DENND10: variants seen among roughly 807,000 people sequenced by gnomAD.
DENND10 encodes the protein DENN domain-containing protein 10.
In DENND10, 24 loss-of-function variants were observed where a neutral mutation model predicts 43.6. The observed-to-expected ratio is 0.55, with a 90% confidence interval of 0.40 to 0.77. The LOEUF (loss-of-function observed/expected upper bound fraction) is 0.77. Among genes scored for constraint, DENND10 ranks in the 30% least tolerant of loss-of-function variants. DENND10 has a pLI of 0.00. For synonymous variants in DENND10, 125 were observed against 157.6 expected (o/e 0.79, Z 1.55); for missense variants, 303 against 429.9 (o/e 0.70, Z 2.61).
chr10:119,135,817 C>T lies in DENND10; in HGVS notation c.898-654C>T, dbSNP rs372347001. On this transcript the variant is annotated intron_variant, in intron 8 of 8. Coordinates refer to ENST00000361432, the MANE Select transcript of DENND10 (RefSeq NM_207009.4). Reference sequence around the variant, plus strand: ...AAAAAAAAAAAAAAAAAAAAAAAAACCAAAACCACACACTATGATTTTTCT... The same window carrying T: ...AAAAAAAAAAAAAAAAAAAAAAAAATCAAAACCACACACTATGATTTTTCT... Among the ~76,000 whole-genome samples, 45 of 40,152 alleles carry T rather than the reference C, an allele frequency of 1.1e-3. 1 individual carries two copies. The highest frequency in any genetic ancestry group is 0.015 in the Middle Eastern group (1 of 66). 26.3% of individuals were successfully genotyped at this position (40,152 alleles called of 152,430 possible). A position where few individuals can be genotyped will look rare whatever the true frequency, so the allele number is the denominator to read the frequency against.
chr10:119,135,811 A>C (rs1203387055), intron 8 of DENND10, among the ~76,000 whole-genome samples: 5 of 150,434 alleles, frequency 3.3e-5, no homozygotes, highest in African/African-American at 1.2e-4. Context: ...AAAAAAAAAA[A>C]AAAAACCAAA....
chr10:119,108,232 C>A, intron 2 of DENND10, 68 bp downstream of exon 2: 1 of 1,139,232 alleles, frequency 8.8e-7, no homozygotes, highest in South Asian at 1.3e-5. Flanking sequence ...TGCCTGTAAT[C>A]CCAGCACTTT....
intron 8 of DENND10, chr10:119,133,104 G>A (rs1014473171): frequency 6.2e-6 from 1 of 161,348 alleles, no homozygotes; most frequent in South Asian, 1.5e-4. Flanking sequence ...GTGTCTACCT[G>A]GCATGCTGAC....
chr10:119,123,360 C>T, intron 5 of DENND10, 109 bp from the exon 6 acceptor site: 1 of 757,496 alleles, frequency 1.3e-6, no homozygotes, highest in Non-Finnish European at 2.3e-6. Context: ...CCCTGATTAG[C>T]TGTAGACTCT....
intron 6 of DENND10, among the ~76,000 whole-genome samples, chr10:119,124,379 A>AT (rs1439426965): frequency 6.1e-5 from 9 of 148,336 alleles, no homozygotes; most frequent in African/African-American, 2.2e-4. Flanking sequence ...ACCAAAAAAA[A>AT]AAAAAAAAAA....
Position 119,132,378 on chromosome 10 carries a change from A to G in DENND10, c.803-137A>G. On this transcript the variant is annotated intron_variant, in intron 7 of 8. Coordinates refer to ENST00000361432, the MANE Select transcript of DENND10 (RefSeq NM_207009.4). This position sits in a 1 kb window ranked among gnomAD's most constrained non-coding sequence, Gnocchi z 4.2. ...CCAGCATGTTGTCATATTTGTGTCT[A>G]GTGATAAAATGGACATGTGGGAGGT... 1.4e-6 allele frequency: 1 copy of G among 710,886 alleles called. No individual in the cohort carries two copies. The highest frequency in any genetic ancestry group is 2.6e-6 in the Non-Finnish European group (1 of 389,436). 44.0% of individuals were successfully genotyped at this position (710,886 alleles called of 1,614,324 possible).
At chr10:119,109,462 A>C (rs1844874014) in intron 2 of DENND10, among the ~76,000 whole-genome samples, 1 of 152,176 alleles carries the variant, frequency 6.6e-6, no homozygotes. Flanking sequence ...TTTAGGGCTA[A>C]TTTATAGCCA....
intron 3 of DENND10, among the ~76,000 whole-genome samples, chr10:119,113,829 A>C (rs956321991): frequency 6.6e-6 from 1 of 152,232 alleles, no homozygotes; most frequent in Non-Finnish European, 1.5e-5. Flanking sequence ...TACTCTCATA[A>C]GAACCAGGTG....
At chr10:119,129,474 T>G (rs753096468) in intron 6 of DENND10, 41 bp from the exon 7 acceptor site, 6 of 1,341,478 alleles carry the variant, frequency 4.5e-6, no homozygotes, top group Non-Finnish European at 6.4e-6. Flanking sequence ...TTCACCATAT[T>G]TCTTCCTACT....
At chr10:119,120,258 GA>G (rs1296812733) in intron 4 of DENND10, 82 bp from the exon 5 acceptor site, 1 of 872,586 alleles carries the variant, frequency 1.1e-6, no homozygotes, top group Admixed American at 2.5e-5. Context: ...AAAAAAAAAA[GA>G]AAAAAGAAAA....
At chr10:119,115,523 G>T (rs1460646574) in intron 3 of DENND10, among the ~76,000 whole-genome samples, 1 of 108,646 alleles carries the variant, frequency 9.2e-6, no homozygotes, top group Non-Finnish European at 2.0e-5. Context: ...AAGTAGCTGG[G>T]ACGACAGGCG....
At chr10:119,109,142 G>T (rs1429782167) in intron 2 of DENND10, among the ~76,000 whole-genome samples, 2 of 150,924 alleles carry the variant, frequency 1.3e-5, no homozygotes, top group Non-Finnish European at 2.9e-5. Context: ...CTTGAACCCG[G>T]GAGGCAGAGG....
chr10:119,130,084 A>T (rs929379040), intron 7 of DENND10, among the ~76,000 whole-genome samples: 1 of 151,368 alleles, frequency 6.6e-6, no homozygotes, highest in Non-Finnish European at 1.5e-5. Flanking sequence ...GGCTCACTGC[A>T]GCCTATGCCT....
At chr10:119,106,799 C>G (rs748831687) in intron 1 of DENND10, among the ~76,000 whole-genome samples, 4 of 152,166 alleles carry the variant, frequency 2.6e-5, no homozygotes, top group Non-Finnish European at 5.9e-5. Context: ...AATCCCAGCA[C>G]TTTGGGGGGC....
At chr10:119,122,333 G>A (rs1845616162) in intron 5 of DENND10, among the ~76,000 whole-genome samples, 2 of 152,114 alleles carry the variant, frequency 1.3e-5, no homozygotes, top group Admixed American at 6.6e-5. Flanking sequence ...GGTATTGATT[G>A]TTTCTGAGCC....
intron 1 of DENND10, 84 bp downstream of exon 1, chr10:119,104,281 G>A: frequency 2.3e-6 from 3 of 1,324,216 alleles, no homozygotes; most frequent in Non-Finnish European, 3.0e-6. Context: ...CCGGGCTCCC[G>A]CGGCCCCCGG....
intron 3 of DENND10, among the ~76,000 whole-genome samples, chr10:119,115,440 T>G (rs1845209831): frequency 9.8e-6 from 1 of 101,666 alleles, no homozygotes; most frequent in Non-Finnish European, 2.0e-5. Flanking sequence ...CAGGCTGGAG[T>G]GCAGTGGCGG....
At chr10:119,122,808 G>A (rs929584805) in intron 5 of DENND10, among the ~76,000 whole-genome samples, 8 of 152,218 alleles carry the variant, frequency 5.3e-5, no homozygotes, top group African/African-American at 1.9e-4. Flanking sequence ...TGCTTGCAGA[G>A]GTGACTTTGA....
intron 3 of DENND10, among the ~76,000 whole-genome samples, chr10:119,116,412 T>C (rs545425751): frequency 1.3e-4 from 20 of 152,314 alleles, no homozygotes; most frequent in African/African-American, 4.8e-4. Context: ...GGTTTCTCTG[T>C]GAACAGTGCG....
Sources: allele counts gnomAD v4.1 joint callset (sites outside exome capture counted in the v4.1 genomes callset), GRCh38; gene constraint gnomAD v4.1.1; non-coding constraint Gnocchi (gnomAD v3.1); transcripts MANE v1.5; gene names NCBI Gene and HGNC (gene_info 2026-07-23, HGNC 2026-07-21).